The following ADD3 variants were observed in gnomAD, a reference collection of about 807,000 sequenced individuals.
ADD3 encodes the protein adducin 3.
A neutral mutation model predicts 80.2 loss-of-function variants in ADD3; 25 were observed. The observed-to-expected ratio is 0.31, with a 90% confidence interval of 0.23 to 0.44. The LOEUF (loss-of-function observed/expected upper bound fraction) is 0.44, where lower values mean the gene tolerates loss of function less well. ADD3 is among the 20% of genes least tolerant of loss of function. The pLI, the probability that ADD3 is intolerant of heterozygous loss-of-function variation, is 1.00. For synonymous variants in ADD3, 284 were observed against 289.6 expected, an observed-to-expected ratio of 0.98 and a Z score of 0.20; for missense variants, 829 against 847.5, an observed-to-expected ratio of 0.98 and a Z score of 0.27.
intron 1 of ADD3, among the ~76,000 whole-genome samples, chr10:110,068,296 T>C (rs1432827376): frequency 6.6e-6 from 1 of 152,110 alleles, no homozygotes; most frequent in Non-Finnish European, 1.5e-5. Context: ...CCTCCCCCCC[T>C]CCTTTCTCTG....
upstream of ADD3, among the ~76,000 whole-genome samples, chr10:110,007,038 T>C (rs12255806): frequency 4.7e-3 from 708 of 151,614 alleles, 11 homozygotes; most frequent in African/African-American, 0.016. Context: ...ATTTCAAGAA[T>C]AGGTTGGGAT....
At chr10:110,016,576 T>G (rs950010593) in intron 1 of ADD3, 1 of 152,244 alleles carries the variant, frequency 6.6e-6, no homozygotes, top group Non-Finnish European at 1.5e-5. Flanking sequence ...TGTTAAAATC[T>G]GCTTGGGCTT....
At chr10:110,076,324 C>T (rs1845371831) in intron 1 of ADD3, among the ~76,000 whole-genome samples, 1 of 152,042 alleles carries the variant, frequency 6.6e-6, no homozygotes, top group Non-Finnish European at 1.5e-5. Flanking sequence ...AGTATTTATA[C>T]ATACTGTGGA....
At chr10:110,103,512 T>C (rs1389130543) in intron 2 of ADD3, among the ~76,000 whole-genome samples, 1 of 152,184 alleles carries the variant, frequency 6.6e-6, no homozygotes, top group African/African-American at 2.4e-5. Flanking sequence ...GCTGCTTGAG[T>C]GTTCTTCCCC....
At chr10:110,125,119 T>C (rs1332822229) in intron 10 of ADD3, among the ~76,000 whole-genome samples, 2 of 152,348 alleles carry the variant, frequency 1.3e-5, no homozygotes, top group African/African-American at 2.4e-5. Flanking sequence ...ATGTCTTTTC[T>C]GTAGTCTATA....
chr10:110,066,918 T>A (rs184868005), intron 1 of ADD3, among the ~76,000 whole-genome samples: 235 of 152,348 alleles, frequency 1.5e-3, no homozygotes, highest in Middle Eastern at 3.4e-3. Context: ...TAGATCCCTC[T>A]TTTGCACTCT....
At chr10:110,077,681 C>T (rs976610535) in intron 1 of ADD3, among the ~76,000 whole-genome samples, 1 of 152,152 alleles carries the variant, frequency 6.6e-6, no homozygotes, top group East Asian at 1.9e-4. Flanking sequence ...TTCCGTGCTT[C>T]TGTGTTCTTT....
At chr10:110,003,332 C>A (rs1179595202), upstream of ADD3, among the ~76,000 whole-genome samples, 1 of 103,822 alleles carries the variant, frequency 9.6e-6, no homozygotes, top group African/African-American at 6.1e-5. Context: ...TGTGTCTGTG[C>A]ATGGAGAAAG....
At chr10:110,009,280 C>A (rs986671237) in intron 1 of ADD3, among the ~76,000 whole-genome samples, 1 of 152,110 alleles carries the variant, frequency 6.6e-6, no homozygotes, top group Admixed American at 6.5e-5. Flanking sequence ...GCTACATACA[C>A]GTGCGTGCAA....
At chr10:110,112,583 C>T (rs940501982) in intron 2 of ADD3, among the ~76,000 whole-genome samples, 194 bp from the exon 3 acceptor site, 2 of 152,046 alleles carry the variant, frequency 1.3e-5, no homozygotes, top group Non-Finnish European at 2.9e-5. Context: ...TAGTGGTTTT[C>T]CCCCCTAAAA....
At chr10:110,072,546 G>A (rs1844865491) in intron 1 of ADD3, among the ~76,000 whole-genome samples, 1 of 152,146 alleles carries the variant, frequency 6.6e-6, no homozygotes, top group African/African-American at 2.4e-5. Flanking sequence ...ACCGGGTGGA[G>A]GCCTGTAGGA....
intron 1 of ADD3, among the ~76,000 whole-genome samples, chr10:110,011,978 A>G (rs1210066856): frequency 6.6e-6 from 1 of 152,246 alleles, no homozygotes; most frequent in East Asian, 1.9e-4. Context: ...TCTAAAACAT[A>G]CAGGTTAGAA....
chr10:110,054,511 G>T (rs918125067), intron 1 of ADD3, among the ~76,000 whole-genome samples: 10 of 148,850 alleles, frequency 6.7e-5, no homozygotes, highest in African/African-American at 2.5e-4. Flanking sequence ...GCGCGATCTC[G>T]GCTCACTGCA....
intron 1 of ADD3, among the ~76,000 whole-genome samples, chr10:110,065,183 G>A (rs1564916479): frequency 6.6e-6 from 1 of 152,076 alleles, no homozygotes; most frequent in Non-Finnish European, 1.5e-5. Flanking sequence ...ACTTTTTAGT[G>A]AGACAGTGTT....
At chr10:110,102,568 C>T (rs555718092) in intron 2 of ADD3, among the ~76,000 whole-genome samples, 4 of 152,250 alleles carry the variant, frequency 2.6e-5, no homozygotes, top group South Asian at 2.1e-4. Context: ...GATCACACTA[C>T]GGCACTCCAG....
Position 110,100,716 on chromosome 10 carries a change from A to G in ADD3, c.63A>G (p.Lys21=). Residue 21 remains lysine (K), a synonymous_variant, in exon 2 of 15, where the codon AAA becomes AAG. Coordinates refer to ENST00000356080, the MANE Select transcript of ADD3 (RefSeq NM_016824.5). ...CTCCTCCTCCCAGCATGCCTCACAA[A>G]GAGAGATATTTTGACCGCATCAATG... The part of the protein sequence containing the change: ...TTPPPPSMPH[K]ERYFDRINEN... 6.2e-7 allele frequency: 1 copy of G among 1,613,984 alleles called. No individual in the cohort carries two copies. The highest frequency in any genetic ancestry group is 8.5e-7 in the Non-Finnish European group (1 of 1,179,946).
At chr10:110,006,026 G>A, upstream of ADD3, 2 of 245,592 alleles carry the variant, frequency 8.1e-6, no homozygotes, top group South Asian at 4.5e-5. Flanking sequence ...CGCTGCTGCT[G>A]CTGCTGTTGG....
chr10:110,010,852 G>A (rs963895310), intron 1 of ADD3, among the ~76,000 whole-genome samples: 3 of 152,118 alleles, frequency 2.0e-5, no homozygotes, highest in Non-Finnish European at 4.4e-5. Flanking sequence ...CCAGTGAGAG[G>A]TCTTCATAGT....
rs2134262529 is a variant in ADD3, at chr10:110,133,309, A to C, written c.1829-17A>C. 6.4e-7 allele frequency: 1 copy of C among 1,558,608 alleles called. No individual in the cohort carries two copies. The highest frequency in any genetic ancestry group is 8.7e-7 in the Non-Finnish European group (1 of 1,148,284). ...AAGTATGTAAAATAACCCCCAAAAAACCCTCCCCTTTCGTAGAAAACCATG... is the reference window on the plus strand; with the variant it reads ...AAGTATGTAAAATAACCCCCAAAAACCCCTCCCCTTTCGTAGAAAACCATG... On this transcript the variant is annotated splice_polypyrimidine_tract_variant and intron_variant, in intron 14 of 14. Transcript: ENST00000356080.
Sources: gnomAD v4.1 joint callset for allele counts (sites outside exome capture counted in the v4.1 genomes callset) on GRCh38, gnomAD v4.1.1 for gene constraint, MANE v1.5 for transcripts, NCBI Gene and HGNC (gene_info 2026-07-23, HGNC 2026-07-21) for gene names.